The following KAT2B variants were observed in gnomAD, a reference collection of about 807,000 sequenced individuals.
KAT2B encodes histone acetyltransferase KAT2B.
Under a neutral mutation model 105.9 loss-of-function variants are expected in KAT2B, and 36 were observed. The observed-to-expected ratio is 0.34, with a 90% CI of 0.26 to 0.45. The LOEUF is 0.45. Among genes scored for constraint, KAT2B ranks in the 20% least tolerant of loss-of-function variants. KAT2B has a pLI of 1.00. For synonymous variants in KAT2B, 397 were observed against 377.9 expected (o/e 1.05, Z -0.59); for missense variants, 820 against 1,021.6 (o/e 0.80, Z 2.69).
chr3:20,102,802 T>C (rs1698932864), intron 5 of KAT2B, among the ~76,000 whole-genome samples: 1 of 152,212 alleles, frequency 6.6e-6, no homozygotes, highest in Non-Finnish European at 1.5e-5. Context: ...CAGAGGCACA[T>C]CAAGCTTGCA....
Position 20,109,989 on chromosome 3 carries a change from A to T in KAT2B, c.852-1607A>T, listed in dbSNP as rs990066756. ...TGCCACAGCCACCACCATTTCCACC[A>T]CTAGCACACATACAGGCAAAATATT... is the stretch of plus-strand genomic sequence containing the variant. On this transcript the variant is annotated intron_variant, in intron 5 of 17. Coordinates refer to ENST00000263754, the MANE Select transcript of KAT2B (RefSeq NM_003884.5). Among the ~76,000 whole-genome samples the T allele has an allele frequency of 2.0e-5, 3 of 152,126 alleles. No individual in the cohort carries two copies. In the South Asian group the frequency reaches 6.2e-4, roughly 32 times the overall value.
At chr3:20,067,756 C>A (rs1459323599) in intron 1 of KAT2B, among the ~76,000 whole-genome samples, 2 of 151,758 alleles carry the variant, frequency 1.3e-5, no homozygotes, top group African/African-American at 4.8e-5. Context: ...CTCACTGCAA[C>A]CTCTGCCTCC....
intron 1 of KAT2B, among the ~76,000 whole-genome samples, chr3:20,045,607 C>T (rs964778250): frequency 2.6e-5 from 4 of 152,104 alleles, no homozygotes; most frequent in Non-Finnish European, 5.9e-5. Context: ...ATATCATCTA[C>T]TAACTTCAAA....
intron 7 of KAT2B, 80 bp downstream of exon 7, chr3:20,115,068 ACTTAGCTCTATAGTCAAATGAG>A (rs1254847029): frequency 7.3e-6 from 6 of 820,592 alleles, no homozygotes; most frequent in Admixed American, 2.1e-5. Context: ...TGCAACTTAT[ACTTAGCTCTATAGTCAAATGAG>A]CTTAGCTCTA....
At chr3:20,113,399 A>G (rs1393898214) in intron 6 of KAT2B, among the ~76,000 whole-genome samples, 2 of 152,226 alleles carry the variant, frequency 1.3e-5, no homozygotes, top group Non-Finnish European at 2.9e-5. Flanking sequence ...GTTACTTTGC[A>G]TAATAAATTT....
chr3:20,071,875 G>A (rs949268281), intron 1 of KAT2B, among the ~76,000 whole-genome samples: 5 of 152,148 alleles, frequency 3.3e-5, no homozygotes, highest in Admixed American at 2.0e-4. Flanking sequence ...TAACTTCTTC[G>A]GTTCTATGGG....
chr3:20,086,434 A>G (rs1698616705), intron 2 of KAT2B, among the ~76,000 whole-genome samples: 2 of 152,140 alleles, frequency 1.3e-5, no homozygotes, highest in African/African-American at 4.8e-5. Context: ...CTTTGCGCCA[A>G]CGGAAAATAC....
chr3:20,100,003 A>G, intron 4 of KAT2B, 49 bp downstream of exon 4: 1 of 944,804 alleles, frequency 1.1e-6, no homozygotes, highest in South Asian at 1.3e-5. Flanking sequence ...GGCTGAAGAA[A>G]TCTTTTAATC....
intron 1 of KAT2B, among the ~76,000 whole-genome samples, chr3:20,044,288 C>T (rs1026426966): frequency 6.6e-6 from 1 of 151,828 alleles, no homozygotes; most frequent in Non-Finnish European, 1.5e-5. Flanking sequence ...TGAGGCCATC[C>T]TGGGCAATAT....
At chr3:20,054,709 A>G (rs1162728819) in intron 1 of KAT2B, among the ~76,000 whole-genome samples, 1 of 152,208 alleles carries the variant, frequency 6.6e-6, no homozygotes, top group Non-Finnish European at 1.5e-5. Flanking sequence ...GGCAGTGCCA[A>G]TTTGCATCAG....
At chr3:20,049,221 A>G (rs73179712) in intron 1 of KAT2B, among the ~76,000 whole-genome samples, 25,126 of 152,030 alleles carry the variant, frequency 0.17, 2,639 homozygotes, top group East Asian at 0.45. Context: ...TCCAGGTGCC[A>G]CCTCATTGAC....
intron 13 of KAT2B, among the ~76,000 whole-genome samples, chr3:20,144,876 A>G (rs1379556695): frequency 1.3e-5 from 2 of 151,272 alleles, no homozygotes; most frequent in South Asian, 2.1e-4. Flanking sequence ...GTTCACTGCA[A>G]CCTCCACCTC....
At chr3:20,062,254 A>T (rs1297948644) in intron 1 of KAT2B, among the ~76,000 whole-genome samples, 884 of 61,400 alleles carry the variant, frequency 0.014, 15 homozygotes, top group South Asian at 0.03. Context: ...TAATATATAA[A>T]ATATGATATA....
In KAT2B at chr3:20,072,348, A is replaced by G; in HGVS notation, c.319A>G (p.Lys107Glu). Residue 107 changes from lysine (K) to glutamate (E), a missense_variant, in exon 2 of 18, where the codon AAA becomes GAA. This residue lies in a region of KAT2B where 190 missense variants were observed against 176.7 expected (regional missense o/e 1.08). Coordinates refer to ENST00000263754, the MANE Select transcript of KAT2B (RefSeq NM_003884.5). ...YSACKAEESC[K>E]CNGWKNPNPS... is the part of the protein sequence containing the mutation. The stretch of plus-strand genomic sequence containing the variant: ...CCATTTTTAGGCCGAGGAGTCTTGT[A>G]AATGTAATGGCTGGAAAAACCCTAA... The G allele has an allele frequency of 6.2e-7, 1 of 1,613,504 alleles. No individual in the cohort carries two copies. Among genetic ancestry groups the G allele is most frequent in the Non-Finnish European group, 8.5e-7 (1 of 1,179,492 alleles).
chr3:20,102,440 T>C (rs1311335940), intron 5 of KAT2B, among the ~76,000 whole-genome samples: 1 of 152,210 alleles, frequency 6.6e-6, no homozygotes, highest in Non-Finnish European at 1.5e-5. Context: ...AAAGAAAATG[T>C]AGAATTTTGT....
rs769093948 is a variant in KAT2B, at chr3:20,152,375, G to A, written c.2349G>A (p.Val783=). ...AACGCCTCAAGAATAGGTACTACGT[G>A]TCTAAGAAATTATTCATGGCAGACT... ...MSERLKNRYY[V]SKKLFMADLQ... is the part of the protein sequence containing the mutation. The change falls in exon 18 of 18, where the codon GTG becomes GTA. Residue 783 remains valine (V), a synonymous_variant. Transcript: ENST00000263754. 73 of 1,613,304 alleles carry A rather than the reference G, an allele frequency of 4.5e-5. No individual in the cohort carries two copies. Among genetic ancestry groups the A allele is most frequent in the East Asian group, 6.7e-5 (3 of 44,858 alleles).
Position 20,061,869 on chromosome 3 carries a change from A to T in KAT2B, c.304-10464A>T, listed in dbSNP as rs1256700067. On this transcript the variant is annotated intron_variant, in intron 1 of 17. Coordinates refer to ENST00000263754, the MANE Select transcript of KAT2B (RefSeq NM_003884.5). The stretch of plus-strand genomic sequence containing the variant: ...AATATATATAATATACATAAAATAT[A>T]TAATATATTTGTATAAAATATGTAT... 4.3e-5 allele frequency among the ~76,000 whole-genome samples: 4 copies of T among 93,956 alleles called. No homozygotes were observed. The Admixed American group carries it at 4.6e-4, about 11-fold the overall frequency. The allele number at this position is 93,956 out of a possible 152,430, so 61.6% of individuals were successfully genotyped here. A position where few individuals can be genotyped will look rare whatever the true frequency, so the allele number is the denominator to read the frequency against.
intron 8 of KAT2B, among the ~76,000 whole-genome samples, chr3:20,121,405 A>G (rs1389427977): frequency 6.6e-6 from 1 of 152,164 alleles, no homozygotes; most frequent in East Asian, 1.9e-4. Context: ...TTATGTCTGG[A>G]AAAAACTGGA....
At position 20,148,488 on chromosome 3, in the gene KAT2B, G is replaced by A; in HGVS notation, c.2305+1G>A. On this transcript the variant is annotated splice_donor_variant, in intron 17 of 17. Transcript: ENST00000263754. LOFTEE classifies it high-confidence loss of function. ...TATGAAGTTATAAGGTTCCCCATGGGTAATACCATTAACATTTTCTAAGTA... is the reference window on the plus strand; with the variant it reads ...TATGAAGTTATAAGGTTCCCCATGGATAATACCATTAACATTTTCTAAGTA... 6.4e-7 allele frequency: 1 copy of A among 1,570,794 alleles called. No individual in the cohort carries two copies.
Sources: gnomAD v4.1 joint callset for allele counts (sites outside exome capture counted in the v4.1 genomes callset) on GRCh38, gnomAD v4.1.1 for gene constraint, gnomAD v4.1.1 regional missense constraint, MANE v1.5 for transcripts, NCBI Gene and HGNC (gene_info 2026-07-23, HGNC 2026-07-21) for gene names.